Variants in PRKAA1 observed in about 807,000 individuals in gnomAD.
The protein encoded by PRKAA1 is 5'-AMP-activated protein kinase catalytic subunit alpha-1.
A neutral mutation model predicts 56.9 loss-of-function variants in PRKAA1; 23 were observed. The ratio of observed to expected loss-of-function variants is 0.40; its 90% confidence interval spans 0.29 to 0.57. The LOEUF is 0.57. Ranked by LOEUF, PRKAA1 falls within the 20% of genes least tolerant of loss-of-function variation. The probability of loss-of-function intolerance (pLI) is 0.39; values close to 1 mark genes in which losing one functional copy is unlikely to be tolerated. For missense variants in PRKAA1, 413 were observed against 679.7 expected, an observed-to-expected ratio of 0.61 and a Z score of 4.36; for synonymous variants, 226 against 227.0, an observed-to-expected ratio of 1.00 and a Z score of 0.04.
rs1293007309 is a variant in PRKAA1, at chr5:40,760,491, A to T, written c.*2287T>A. ...TCCATATACAAATTTGTAACTTTAA[A>T]AATACAGTCTTCTGTTAACATCAGG... On this transcript the variant is annotated 3_prime_UTR_variant, in exon 9 of 9. Transcript: ENST00000397128. The T allele has an allele frequency of 1.3e-5, 2 of 152,712 alleles. No homozygotes were observed. The highest frequency in any genetic ancestry group is 2.9e-5 in the Non-Finnish European group (2 of 68,004). The allele number at this position is 152,712 out of a possible 1,614,324, so 9.5% of individuals were successfully genotyped here. A position where few individuals can be genotyped will look rare whatever the true frequency, so the allele number is the denominator to read the frequency against.
Position 40,764,761 on chromosome 5 carries a change from A to G in PRKAA1, c.1299T>C (p.Tyr433=). The G allele has an allele frequency of 6.2e-7, 1 of 1,609,958 alleles. No individual in the cohort carries two copies. The part of the protein sequence containing the change: ...EVCRAIKQLD[Y]EWKVVNPYYL... Reference sequence around the variant, plus strand: ...GTTATTTCTTTCTTACCTTCCATTCATAATCCAATTGTTTGATTGCTCTAC... The same window carrying G: ...GTTATTTCTTTCTTACCTTCCATTCGTAATCCAATTGTTTGATTGCTCTAC... The change falls in exon 7 of 9, where the codon TAT becomes TAC. Residue 433 remains tyrosine, a synonymous_variant. Transcript: ENST00000397128.
At chr5:40,768,695 AC>A (rs1286725057) in intron 5 of PRKAA1, 1 of 1,276,604 alleles carries the variant, frequency 7.8e-7, no homozygotes, top group East Asian at 3.3e-5. Context: ...AAGATGCAAA[AC>A]ATTCACACAA....
chr5:40,769,328 G>C lies in PRKAA1; in HGVS notation c.596+88C>G. On this transcript the variant is annotated intron_variant, in intron 5 of 8. Transcript: ENST00000397128. The stretch of plus-strand genomic sequence containing the variant: ...GCCTTATCTTTCTTTCCTTTCATTA[G>C]AATTAAATATGACACTATAGACTAA... 4 of 1,030,446 alleles carry C rather than the reference G, an allele frequency of 3.9e-6. No homozygotes were observed. In the South Asian group the frequency reaches 6.3e-5, roughly 16 times the overall value. The allele number at this position is 1,030,446 out of a possible 1,614,324, so 63.8% of individuals were successfully genotyped here.
intron 1 of PRKAA1, among the ~76,000 whole-genome samples, chr5:40,785,996 T>G (rs1282074268): frequency 6.6e-6 from 1 of 152,144 alleles, no homozygotes; most frequent in East Asian, 1.9e-4. Flanking sequence ...GGCTCACGCC[T>G]GTAATCCCAG....
intron 1 of PRKAA1, among the ~76,000 whole-genome samples, chr5:40,794,348 TCTTA>T (rs1744838183): frequency 6.6e-6 from 1 of 152,182 alleles, no homozygotes; most frequent in African/African-American, 2.4e-5. Context: ...ATTTGTTTTT[TCTTA>T]CTTATTTGTT....
At chr5:40,767,344 C>G in intron 6 of PRKAA1, 122 bp downstream of exon 6, 2 of 756,670 alleles carry the variant, frequency 2.6e-6, no homozygotes, top group South Asian at 3.9e-5. Context: ...TGTCTATACA[C>G]TCTATTTTTT....
At chr5:40,789,901 A>G (rs1280075541) in intron 1 of PRKAA1, among the ~76,000 whole-genome samples, 3 of 152,214 alleles carry the variant, frequency 2.0e-5, no homozygotes, top group African/African-American at 7.2e-5. Context: ...ATAAATATAT[A>G]CAATTGTTAT....
chr5:40,769,827 T>C (rs963332358), intron 4 of PRKAA1, among the ~76,000 whole-genome samples: 1 of 141,070 alleles, frequency 7.1e-6, no homozygotes, highest in Non-Finnish European at 1.5e-5. Context: ...CTATAACAGA[T>C]GAATAGAAGG....
chr5:40,772,563 A>G (rs529680458), intron 3 of PRKAA1, among the ~76,000 whole-genome samples: 3 of 148,118 alleles, frequency 2.0e-5, no homozygotes, highest in Admixed American at 6.7e-5. Context: ...TATGCTTGCT[A>G]AAAAAAAAAT....
intron 1 of PRKAA1, among the ~76,000 whole-genome samples, chr5:40,792,458 A>C (rs796798393): frequency 3.9e-5 from 6 of 152,280 alleles, no homozygotes; most frequent in African/African-American, 1.4e-4. Flanking sequence ...TAGAAGTTGA[A>C]TTGTTAGGTT....
At chr5:40,768,962 T>G (rs1191040993) in intron 5 of PRKAA1, 1 of 1,439,370 alleles carries the variant, frequency 6.9e-7, no homozygotes, top group Non-Finnish European at 9.5e-7. Context: ...GAACAAAGAT[T>G]CAACATAAAT....
intron 1 of PRKAA1, among the ~76,000 whole-genome samples, chr5:40,779,530 T>C (rs1561179623): frequency 6.6e-6 from 1 of 152,118 alleles, no homozygotes; most frequent in South Asian, 2.1e-4. Flanking sequence ...ATGGGTATAA[T>C]AGGAACAGAG....
chr5:40,776,030 GCTAT>G (rs917552475), intron 2 of PRKAA1, among the ~76,000 whole-genome samples: 2 of 152,218 alleles, frequency 1.3e-5, no homozygotes, highest in Non-Finnish European at 2.9e-5. Flanking sequence ...AAGATGAAAA[GCTAT>G]CGTACGTTTT....
intron 1 of PRKAA1, among the ~76,000 whole-genome samples, chr5:40,784,564 A>G (rs1448879208): frequency 6.6e-6 from 1 of 152,174 alleles, no homozygotes; most frequent in Non-Finnish European, 1.5e-5. Flanking sequence ...AGAGGAAAAA[A>G]GCAGCTTAAT....
intron 1 of PRKAA1, among the ~76,000 whole-genome samples, chr5:40,779,845 T>A (rs1744188122): frequency 6.6e-6 from 1 of 152,176 alleles, no homozygotes; most frequent in Non-Finnish European, 1.5e-5. Context: ...GCACAATGCT[T>A]ACACATTACG....
In PRKAA1 at chr5:40,760,361, GAAGCA is replaced by G. The variant is rs1743130155; in HGVS notation, c.*2412_*2416del. 6.6e-6 allele frequency: 1 copy of G among 152,606 alleles called. No homozygotes were observed. The highest frequency in any genetic ancestry group is 2.1e-4 in the South Asian group (1 of 4,824). 9.5% of individuals were successfully genotyped at this position (152,606 alleles called of 1,614,324 possible). On this transcript the variant is annotated 3_prime_UTR_variant, in exon 9 of 9. Transcript: ENST00000397128. ...AAATGAATCACAATAACTTATAAGA[GAAGCA>G]AAGTTTACAAAATTAACAATTTTTA...
intron 1 of PRKAA1, among the ~76,000 whole-genome samples, chr5:40,781,358 C>T (rs1744258260): frequency 6.6e-6 from 1 of 152,036 alleles, no homozygotes; most frequent in Admixed American, 6.5e-5. Context: ...TTCTCAGGAA[C>T]CTACTGGAGA....
In PRKAA1 at chr5:40,790,478, T is replaced by C. The variant is rs370335647; in HGVS notation, c.127+7585A>G. On this transcript the variant is annotated intron_variant, in intron 1 of 8. Coordinates refer to ENST00000397128, the MANE Select transcript of PRKAA1 (RefSeq NM_006251.6). ...TCCAGCTCGTGTGGTTTTCCGCTTT[T>C]TGAATTTGTATCCCAGCCTTCATAG... Among the ~76,000 whole-genome samples the C allele has an allele frequency of 1.1e-3, 170 of 152,038 alleles. 1 individual carries two copies. Among genetic ancestry groups the C allele is most frequent in the African/African-American group, 3.9e-3 (161 of 41,482 alleles).
intron 1 of PRKAA1, among the ~76,000 whole-genome samples, chr5:40,793,350 A>C (rs1744794365): frequency 6.6e-6 from 1 of 152,172 alleles, no homozygotes; most frequent in African/African-American, 2.4e-5. Flanking sequence ...ATAATCACAA[A>C]ATAACCCTAG....
Sources: gnomAD v4.1 joint callset for allele counts (sites outside exome capture counted in the v4.1 genomes callset) on GRCh38, gnomAD v4.1.1 for gene constraint, MANE v1.5 for transcripts, NCBI Gene and HGNC (gene_info 2026-07-23, HGNC 2026-07-21) for gene names.